Variants in COL16A1 observed in about 807,000 individuals in gnomAD.
COL16A1 encodes collagen type XVI alpha 1 chain, also known as collagen alpha-1(XVI) chain.
Under a neutral mutation model 266.3 loss-of-function variants are expected in COL16A1, and 189 were observed. The ratio of observed to expected loss-of-function variants is 0.71; its 90% CI spans 0.63 to 0.80. The LOEUF (loss-of-function observed/expected upper bound fraction) is 0.80, where lower values mean the gene tolerates loss of function less well. COL16A1 is among the 30% of genes least tolerant of loss of function. COL16A1 has a pLI of 0.00. For missense variants in COL16A1, 1,928 were observed against 2,122.4 expected (o/e 0.91, Z 1.80); for synonymous variants, 740 against 782.3 (o/e 0.95, Z 0.90).
At chr1:31,658,345 A>T in intron 64 of COL16A1, 143 bp downstream of exon 64, 1 of 735,920 alleles carries the variant, frequency 1.4e-6, no homozygotes, top group Non-Finnish European at 2.3e-6. Flanking sequence ...CATGATCCTC[A>T]GGCCCGAACG....
chr1:31,700,979 G>C (rs533740925), intron 2 of COL16A1, among the ~76,000 whole-genome samples: 28 of 152,318 alleles, frequency 1.8e-4, no homozygotes, highest in Non-Finnish European at 3.4e-4. Context: ...AGAAGTGTTG[G>C]GGGAGGTGCT....
At position 31,655,491 on chromosome 1, in the gene COL16A1, T is replaced by G; in HGVS notation, c.4113A>C (p.Gly1371=). Residue 1371 remains glycine, a synonymous_variant, in exon 67 of 71, where the codon GGA becomes GGC. Transcript: ENST00000373672. ...CTGCCTGGCCCTTCTGTCCTGCAGCTCCTGGATCACCCTACAAAGATAGAT... is the reference window on the plus strand; with the variant it reads ...CTGCCTGGCCCTTCTGTCCTGCAGCGCCTGGATCACCCTACAAAGATAGAT... ...YGPPGPKGDP[G]AAGQKGQAGE... is the part of the protein sequence containing the mutation. 1 of 1,613,966 alleles carries G rather than the reference T, an allele frequency of 6.2e-7. No individual in the cohort carries two copies. The highest frequency in any genetic ancestry group is 8.5e-7 in the Non-Finnish European group (1 of 1,179,892).
intron 11 of COL16A1, among the ~76,000 whole-genome samples, chr1:31,694,929 C>G (rs960100518): frequency 6.6e-6 from 1 of 152,234 alleles, no homozygotes; most frequent in African/African-American, 2.4e-5. Flanking sequence ...GTCCTGCCGG[C>G]CACCATCCCG....
chr1:31,658,417 G>C, intron 64 of COL16A1, 71 bp downstream of exon 64: 1 of 1,272,394 alleles, frequency 7.9e-7, no homozygotes, highest in Admixed American at 2.2e-5. Context: ...GATATGTTGT[G>C]CTGTGCTCAA....
At position 31,662,468 on chromosome 1, in the gene COL16A1, T is replaced by C. The variant is rs1475461606; in HGVS notation, c.3628-81A>G. 80 of 1,564,398 alleles carry C rather than the reference T, an allele frequency of 5.1e-5. 1 individual carries two copies. The South Asian group carries it at 8.8e-4, about 17-fold the overall frequency. On this transcript the variant is annotated intron_variant, in intron 57 of 70. Coordinates refer to ENST00000373672, the MANE Select transcript of COL16A1 (RefSeq NM_001856.4). ...GAGGCCTGGCCCAACCCCTCAATTCTCTCCACCCCTCCCCTGACTCCCACC... is the reference window on the plus strand; with the variant it reads ...GAGGCCTGGCCCAACCCCTCAATTCCCTCCACCCCTCCCCTGACTCCCACC...
intron 37 of COL16A1, among the ~76,000 whole-genome samples, chr1:31,681,339 T>C (rs994092096): frequency 5.3e-5 from 8 of 152,228 alleles, no homozygotes; most frequent in African/African-American, 1.9e-4. Flanking sequence ...CAGGACGGTA[T>C]TGTTCTGGTT....
In COL16A1 at chr1:31,666,046, TG is replaced by T; in HGVS notation, c.3392del (p.Pro1131GlnfsTer96). 6.2e-7 allele frequency: 1 copy of T among 1,613,246 alleles called. No individual in the cohort carries two copies. The highest frequency in any genetic ancestry group is 8.5e-7 in the Non-Finnish European group (1 of 1,179,744). On this transcript the variant is annotated frameshift_variant, in exon 53 of 71. Transcript: ENST00000373672. LOFTEE classifies it high-confidence loss of function. ...GCCCTCCTTCACTCACCGCTGGGCC[TG>T]GGGGGCCTGGGAGGCCTTCAGATCC... ...PPGSEGLPGP[P>X]GPAGPRGERG...
intron 16 of COL16A1, 60 bp from the exon 17 acceptor site, chr1:31,692,127 C>A (rs746792416): frequency 5.0e-6 from 8 of 1,610,548 alleles, no homozygotes; most frequent in Non-Finnish European, 6.8e-6. Flanking sequence ...AGCTGGGCAG[C>A]TCCATCTGGT....
At chr1:31,695,255 T>C (rs1404904213) in intron 10 of COL16A1, 34 bp from the exon 11 acceptor site, 1 of 1,612,790 alleles carries the variant, frequency 6.2e-7, no homozygotes, top group African/African-American at 1.3e-5. Context: ...AGGTCAATTC[T>C]GAGCCCCTGG....
At chr1:31,679,781 A>G in intron 41 of COL16A1, 23 bp downstream of exon 41, 1 of 1,576,662 alleles carries the variant, frequency 6.3e-7, no homozygotes, top group Non-Finnish European at 8.6e-7. Flanking sequence ...GCGCTGGCGG[A>G]CAAGAGGAGA....
intron 44 of COL16A1, chr1:31,673,286 G>A (rs1408976669): frequency 1.3e-5 from 3 of 232,814 alleles, no homozygotes; most frequent in Non-Finnish European, 2.6e-5. Context: ...GGAGCCCCTG[G>A]GACAGATCTC....
chr1:31,697,989 G>T lies in COL16A1; in HGVS notation c.574C>A (p.Gln192Lys), dbSNP rs1185523789. The change falls in exon 6 of 71, where the codon CAG becomes AAG. Residue 192 changes from glutamine (Q) to lysine (K), a missense_variant. By Grantham distance (53) the Gln-to-Lys change is moderately conservative (BLOSUM62 1). Around this residue, in one of 2 missense-constraint regions of COL16A1, gnomAD observed 1,552 missense variants for 1,637.2 expected, o/e 0.95. Transcript: ENST00000373672. The surrounding 1 kb of genome is among the most constrained non-coding windows in gnomAD (Gnocchi z 4.2). ...ATGGGTCGTCGGGGCCCCAGAGGCT[G>T]GGAGGAGGCTGAGCTGCAGTCCACG... ...VHVDCSSASS[Q>K]PLGPRRPMRP... 1 of 1,613,516 alleles carries T rather than the reference G, an allele frequency of 6.2e-7. No individual in the cohort carries two copies. The highest frequency in any genetic ancestry group is 1.7e-5 in the Admixed American group (1 of 60,022).
chr1:31,686,531 A>G (rs989687482), intron 26 of COL16A1, among the ~76,000 whole-genome samples: 2 of 152,252 alleles, frequency 1.3e-5, no homozygotes, highest in African/African-American at 4.8e-5. Context: ...GCACACAAAA[A>G]TCACGAAGGC....
rs779100078 is a variant in COL16A1 at position 31,664,649 on chromosome 1, C to T, written c.3555+523G>A. On this transcript the variant is annotated intron_variant, in intron 56 of 70. Transcript: ENST00000373672. This position sits in a 1 kb window ranked among gnomAD's most constrained non-coding sequence, Gnocchi z 5.5. ...CATAGGAGCTCCGCCAACTGCTGCT[C>T]CCCCAACCCTTGTCACCAGGCAGGA... Among the ~76,000 whole-genome samples, 1 of 152,170 alleles carries T rather than the reference C, an allele frequency of 6.6e-6. No individual in the cohort carries two copies. The highest frequency in any genetic ancestry group is 1.5e-5 in the Non-Finnish European group (1 of 68,018).
intron 42 of COL16A1, among the ~76,000 whole-genome samples, chr1:31,678,626 C>T (rs992157417): frequency 5.9e-5 from 9 of 152,182 alleles, no homozygotes; most frequent in African/African-American, 2.2e-4. Context: ...TACTCATCAT[C>T]ATAATAATGA....
At chr1:31,675,860 G>C (rs1164687531) in intron 42 of COL16A1, among the ~76,000 whole-genome samples, 1 of 151,960 alleles carries the variant, frequency 6.6e-6, no homozygotes, top group Admixed American at 6.6e-5. Flanking sequence ...ACCAGGTCTC[G>C]CTGGTAGGCT....
In COL16A1 at chr1:31,670,384, G is replaced by A. The variant is rs1642550085; in HGVS notation, c.3195+218C>T. On this transcript the variant is annotated intron_variant, in intron 49 of 70. Coordinates refer to ENST00000373672, the MANE Select transcript of COL16A1 (RefSeq NM_001856.4). This position sits in a 1 kb window ranked among gnomAD's most constrained non-coding sequence, Gnocchi z 4.5. ...GAGAGAAGAGGAGAGAAAGAACGCA[G>A]GAGAGGAGGGAGAGGAGAAAACGGA... 1.3e-5 allele frequency: 6 copies of A among 472,328 alleles called. No individual in the cohort carries two copies. The highest frequency in any genetic ancestry group is 2.2e-5 in the Non-Finnish European group (6 of 271,914). The allele number at this position is 472,328 out of a possible 1,614,324, so 29.3% of individuals were successfully genotyped here. A position where few individuals can be genotyped will look rare whatever the true frequency, so the allele number is the denominator to read the frequency against.
At chr1:31,662,558 T>A (rs75845483) in intron 57 of COL16A1, 29 bp downstream of exon 57, 1 of 1,558,258 alleles carries the variant, frequency 6.4e-7, no homozygotes, top group Non-Finnish European at 8.7e-7. Flanking sequence ...ATCGCACACG[T>A]CTGCCACGCT....
intron 64 of COL16A1, 66 bp downstream of exon 64, chr1:31,658,422 G>T: frequency 2.2e-6 from 3 of 1,334,588 alleles, no homozygotes; most frequent in Non-Finnish European, 2.1e-6. Context: ...GTTGTGCTGT[G>T]CTCAACAGGC....
Sources: gnomAD v4.1 joint callset for allele counts (sites outside exome capture counted in the v4.1 genomes callset) on GRCh38, gnomAD v4.1.1 for gene constraint, gnomAD v4.1.1 regional missense constraint, Gnocchi (gnomAD v3.1) non-coding constraint, MANE v1.5 for transcripts, NCBI Gene and HGNC (gene_info 2026-07-23, HGNC 2026-07-21) for gene names.